CFAP44: variants seen among roughly 807,000 people sequenced by gnomAD.
CFAP44 encodes cilia- and flagella-associated protein 44.
A neutral mutation model predicts 216.2 loss-of-function variants in CFAP44; 134 were observed. The observed-to-expected ratio is 0.62, with a 90% CI of 0.54 to 0.72. CFAP44 has a LOEUF of 0.72. Among genes scored for constraint, CFAP44 ranks in the 30% least tolerant of loss-of-function variants. CFAP44 has a pLI of 0.00. For missense variants in CFAP44, 2,035 were observed against 2,182.1 expected (o/e 0.93, Z 1.34); for synonymous variants, 700 against 727.6 (o/e 0.96, Z 0.61).
intron 25 of CFAP44, 108 bp from the exon 26 acceptor site, chr3:113,330,776 A>AT: frequency 7.3e-7 from 1 of 1,364,210 alleles, no homozygotes; most frequent in Non-Finnish European, 9.6e-7. Context: ...AAAATTCAAG[A>AT]TAAAAATTCA....
At chr3:113,438,977 C>G (rs978059290) in intron 1 of CFAP44, among the ~76,000 whole-genome samples, 2 of 152,194 alleles carry the variant, frequency 1.3e-5, no homozygotes, top group Non-Finnish European at 2.9e-5. Flanking sequence ...AGGATCTGGA[C>G]ACTTTCCAGA....
chr3:113,339,939 A>C (rs1480368519), intron 24 of CFAP44, among the ~76,000 whole-genome samples: 3 of 152,188 alleles, frequency 2.0e-5, no homozygotes, highest in African/African-American at 7.2e-5. Flanking sequence ...GAGCCTTTCT[A>C]ATCCTTGTAT....
intron 28 of CFAP44, among the ~76,000 whole-genome samples, chr3:113,318,977 AC>A (rs1423254270): frequency 2.6e-5 from 4 of 152,128 alleles, no homozygotes; most frequent in African/African-American, 2.4e-5. Flanking sequence ...CAAAAAAAAA[AC>A]AATACCCTTT....
intron 21 of CFAP44, among the ~76,000 whole-genome samples, chr3:113,359,214 C>G (rs990525489): frequency 1.3e-5 from 2 of 152,132 alleles, no homozygotes; most frequent in African/African-American, 4.8e-5. Flanking sequence ...GAGGTAGATG[C>G]TTATGGCAAC....
chr3:113,347,979 T>G (rs963935094), intron 22 of CFAP44, among the ~76,000 whole-genome samples: 3 of 152,326 alleles, frequency 2.0e-5, no homozygotes, highest in Admixed American at 2.0e-4. Flanking sequence ...TTTTCAAGAA[T>G]GCATTGGTAA....
Position 113,327,626 on chromosome 3 carries a change from T to C in CFAP44, c.4310A>G (p.Gln1437Arg), listed in dbSNP as rs1003045979. The C allele has an allele frequency of 9.1e-6, 14 of 1,536,708 alleles. No individual in the cohort carries two copies. Among genetic ancestry groups the C allele is most frequent in the Non-Finnish European group, 1.0e-5 (12 of 1,146,530 alleles). The part of the protein sequence containing the change: ...ERVNSLDKEE[Q>R]YMQWKINETL... ...TCTGCCCACTCATACTTGCATGTACTGTTCCTCTTTGTCTAAGGAATTAAC... is the reference window on the plus strand; with the variant it reads ...TCTGCCCACTCATACTTGCATGTACCGTTCCTCTTTGTCTAAGGAATTAAC... The change falls in exon 27 of 35, where the codon CAG becomes CGG. Residue 1437 changes from glutamine to arginine, a missense_variant. Gln to Arg is a conservative substitution (Grantham distance 43). Transcript: ENST00000393845.
intron 28 of CFAP44, among the ~76,000 whole-genome samples, chr3:113,324,042 C>CAAAAAAAAAAAAAAAAAAAAA (rs200919084): frequency 2.8e-4 from 20 of 71,816 alleles, no homozygotes; most frequent in East Asian, 4.3e-4. Context: ...GACTCCGTCT[C>CAAAAAAAAAAAAAAAAAAAAA]AAAAAAAAAA....
chr3:113,325,981 G>A (rs1383433420), intron 28 of CFAP44, among the ~76,000 whole-genome samples: 1 of 152,108 alleles, frequency 6.6e-6, no homozygotes, highest in Non-Finnish European at 1.5e-5. Context: ...TGATACTACA[G>A]TAAATGAAAA....
At chr3:113,360,079 CAAA>C (rs557551907) in intron 21 of CFAP44, among the ~76,000 whole-genome samples, 2 of 130,476 alleles carry the variant, frequency 1.5e-5, no homozygotes, top group African/African-American at 2.8e-5. Flanking sequence ...ATCTTGTTAC[CAAA>C]AAAAAAAAAA....
rs1015599574 is a variant in CFAP44, at chr3:113,344,633, C to T, written c.3145G>A (p.Val1049Met). Reference protein sequence around the residue: ...SDHKISSYRLVQPSKYSKFKR... With the variant: ...SDHKISSYRLMQPSKYSKFKR... ...AATTTGGAGTACTTAGAGGGCTGCA[C>T]CAGCCTGTAAGAGGATATCTTGTGG... The change falls in exon 23 of 35, where the codon GTG becomes ATG. Residue 1049 changes from valine (V) to methionine (M), a missense_variant. Around this residue, in one of 3 missense-constraint regions of CFAP44, gnomAD observed 1,883 missense variants for 2,023.7 expected, o/e 0.93. Transcript: ENST00000393845. 1 of 1,537,008 alleles carries T rather than the reference C, an allele frequency of 6.5e-7. No homozygotes were observed. The highest frequency in any genetic ancestry group is 8.7e-7 in the Non-Finnish European group (1 of 1,146,822).
chr3:113,306,827 T>A (rs1949990117), intron 29 of CFAP44, among the ~76,000 whole-genome samples: 1 of 152,214 alleles, frequency 6.6e-6, no homozygotes, highest in South Asian at 2.1e-4. Flanking sequence ...CCTAGTGCTA[T>A]CACCATACTA....
At chr3:113,314,688 A>G (rs1417796664) in intron 28 of CFAP44, among the ~76,000 whole-genome samples, 3 of 152,130 alleles carry the variant, frequency 2.0e-5, no homozygotes, top group African/African-American at 7.2e-5. Context: ...AAAATATAAC[A>G]TTACTTAATG....
intron 14 of CFAP44, 139 bp from the exon 15 acceptor site, chr3:113,395,999 A>G: frequency 1.6e-6 from 1 of 612,370 alleles, no homozygotes; most frequent in South Asian, 3.0e-5. Context: ...GAGAATTCTT[A>G]TTTCTAAAAC....
chr3:113,320,887 C>G (rs1323406429), intron 28 of CFAP44, among the ~76,000 whole-genome samples: 2 of 152,120 alleles, frequency 1.3e-5, no homozygotes, highest in Non-Finnish European at 2.9e-5. Flanking sequence ...CCTTTCCCAG[C>G]CCACTGACTC....
At chr3:113,349,469 A>G (rs1576562209) in intron 22 of CFAP44, among the ~76,000 whole-genome samples, 1 of 152,216 alleles carries the variant, frequency 6.6e-6, no homozygotes, top group East Asian at 1.9e-4. Context: ...GCCCTCAGAC[A>G]AACCTCGGTG....
At chr3:113,297,212 C>A (rs1949890358) in intron 32 of CFAP44, among the ~76,000 whole-genome samples, 1 of 152,076 alleles carries the variant, frequency 6.6e-6, no homozygotes, top group Admixed American at 6.6e-5. Flanking sequence ...CACTTTACAG[C>A]ATCTAGTATT....
chr3:113,321,561 G>A (rs1322502773), intron 28 of CFAP44, among the ~76,000 whole-genome samples: 2 of 152,068 alleles, frequency 1.3e-5, no homozygotes, highest in African/African-American at 4.8e-5. Flanking sequence ...CATCTAAATA[G>A]GAAAAGAAGT....
chr3:113,407,577 C>T (rs1017628177), intron 7 of CFAP44, among the ~76,000 whole-genome samples: 2 of 152,152 alleles, frequency 1.3e-5, no homozygotes. Flanking sequence ...CACCCTGTGC[C>T]TTCATTTTCT....
At position 113,289,525 on chromosome 3, in the gene CFAP44, A is replaced by C. The variant is rs910644295; in HGVS notation, c.*2032T>G. 1.3e-5 allele frequency: 2 copies of C among 152,188 alleles called. No homozygotes were observed. Among genetic ancestry groups the C allele is most frequent in the African/African-American group, 4.8e-5 (2 of 41,438 alleles). 9.4% of individuals were successfully genotyped at this position (152,188 alleles called of 1,614,324 possible). On this transcript the variant is annotated 3_prime_UTR_variant, in exon 35 of 35. Transcript: ENST00000393845. ...ATAACGTAACTTCTCCTGATTCTCT[A>C]CAATTACCAAGGGGATGGTATCGCC...
Sources: gnomAD v4.1 joint callset for allele counts (sites outside exome capture counted in the v4.1 genomes callset) on GRCh38, gnomAD v4.1.1 for gene constraint, gnomAD v4.1.1 regional missense constraint, MANE v1.5 for transcripts, NCBI Gene and HGNC (gene_info 2026-07-23, HGNC 2026-07-21) for gene names.